Variants in ZKSCAN1 observed in about 807,000 individuals in gnomAD.
The protein encoded by ZKSCAN1 is zinc finger with KRAB and SCAN domains 1.
A neutral mutation model predicts 51.6 loss-of-function variants in ZKSCAN1; 14 were observed. The ratio of observed to expected loss-of-function variants is 0.27; its 90% CI spans 0.18 to 0.42. ZKSCAN1 has a LOEUF of 0.42. ZKSCAN1 is among the 10% of genes least tolerant of loss of function. The pLI is 1.00. For missense variants in ZKSCAN1, 531 were observed against 710.0 expected, an observed-to-expected ratio of 0.75 and a Z score of 2.86; for synonymous variants, 263 against 261.5, an observed-to-expected ratio of 1.01 and a Z score of -0.06.
intron 4 of ZKSCAN1, 25 bp from the exon 5 acceptor site, chr7:100,030,224 G>C (rs1256281493): frequency 3.1e-6 from 5 of 1,608,888 alleles, no homozygotes; most frequent in Non-Finnish European, 4.3e-6. Context: ...GGGGGGAAAT[G>C]ACTGTTTGTC....
chr7:100,034,357 T>C lies in ZKSCAN1; in HGVS notation c.*160T>C. The C allele has an allele frequency of 9.4e-6, 13 of 1,387,276 alleles. No homozygotes were observed. The highest frequency in any genetic ancestry group is 1.0e-5 in the Non-Finnish European group (11 of 1,079,122). The allele number at this position is 1,387,276 out of a possible 1,614,324, so 85.9% of individuals were successfully genotyped here. A position where few individuals can be genotyped will look rare whatever the true frequency, so the allele number is the denominator to read the frequency against. Reference sequence around the variant, plus strand: ...TCACATCAGCAGTGTTCTGCCTTTATGTAGTAGTTGGGCATATAATCCTTC... The same window carrying C: ...TCACATCAGCAGTGTTCTGCCTTTACGTAGTAGTTGGGCATATAATCCTTC... On this transcript the variant is annotated 3_prime_UTR_variant, in exon 6 of 6. Transcript: ENST00000324306.
intron 1 of ZKSCAN1, among the ~76,000 whole-genome samples, chr7:100,020,651 G>A (rs960793260): frequency 1.6e-4 from 25 of 152,194 alleles, no homozygotes; most frequent in Admixed American, 1.0e-3. Flanking sequence ...GCAAGACTCC[G>A]TTTCAATATA....
chr7:100,039,503 C>T lies in ZKSCAN1; in HGVS notation c.*5306C>T. The T allele has an allele frequency of 2.0e-6, 2 of 985,254 alleles. No individual in the cohort carries two copies. The highest frequency in any genetic ancestry group is 1.2e-6 in the Non-Finnish European group (1 of 829,906). 61.0% of individuals were successfully genotyped at this position (985,254 alleles called of 1,614,324 possible). A position where few individuals can be genotyped will look rare whatever the true frequency, so the allele number is the denominator to read the frequency against. On this transcript the variant is annotated 3_prime_UTR_variant, in exon 6 of 6. Coordinates refer to ENST00000324306, the MANE Select transcript of ZKSCAN1 (RefSeq NM_003439.4). ...TGTTCCCTGCTCCCACTTTTCTTCC[C>T]CTGGTTTGTGATTATTAGGAGAGAG...
At position 100,038,021 on chromosome 7, in the gene ZKSCAN1, CA is replaced by C. The variant is rs563075382; in HGVS notation, c.*3834del. On this transcript the variant is annotated 3_prime_UTR_variant, in exon 6 of 6. Coordinates refer to ENST00000324306, the MANE Select transcript of ZKSCAN1 (RefSeq NM_003439.4). ...TGAGTGACAGAGCGAGGCTCTGTAT[CA>C]AAAAAAAAAGTTGCGGGGGGGTGCT... 2.6e-4 allele frequency: 218 copies of C among 844,626 alleles called. No individual in the cohort carries two copies. The highest frequency in any genetic ancestry group is 3.8e-4 in the South Asian group (7 of 18,412). 52.3% of individuals were successfully genotyped at this position (844,626 alleles called of 1,614,324 possible). A position where few individuals can be genotyped will look rare whatever the true frequency, so the allele number is the denominator to read the frequency against.
At position 100,033,505 on chromosome 7, in the gene ZKSCAN1, A is replaced by G. The variant is rs547148423; in HGVS notation, c.1000A>G (p.Ile334Val). 4 of 1,614,046 alleles carry G rather than the reference A, an allele frequency of 2.5e-6. No individual in the cohort carries two copies. In the African/African-American group the frequency reaches 5.3e-5, roughly 22 times the overall value. The change falls in exon 6 of 6, where the codon ATA (isoleucine) becomes GTA (valine). Residue 334 changes from isoleucine (I) to valine (V), a missense_variant. This residue lies in a region of ZKSCAN1 where 403 missense variants were observed against 490.5 expected (regional missense o/e 0.82). Coordinates refer to ENST00000324306, the MANE Select transcript of ZKSCAN1 (RefSeq NM_003439.4). The surrounding 1 kb of genome is among the most constrained non-coding windows in gnomAD (Gnocchi z 4.1). ...AGAGAAAAGAGATTCAGGGCCAGCT[A>G]TAGGAAAGGACAAAAAAACCATCAC... ...RKEKRDSGPA[I>V]GKDKKTITGE...
chr7:100,036,139 A>G lies in ZKSCAN1; in HGVS notation c.*1942A>G. 1.0e-6 allele frequency: 1 copy of G among 985,436 alleles called. No individual in the cohort carries two copies. Among genetic ancestry groups the G allele is most frequent in the African/African-American group, 1.7e-5 (1 of 57,366 alleles). 61.0% of individuals were successfully genotyped at this position (985,436 alleles called of 1,614,324 possible). A position where few individuals can be genotyped will look rare whatever the true frequency, so the allele number is the denominator to read the frequency against. Reference sequence around the variant, plus strand: ...TGGGAGCTAAAACTGCACAGTGGTCATTCTTTGGCCTCTCCTTGGCTTTAT... The same window carrying G: ...TGGGAGCTAAAACTGCACAGTGGTCGTTCTTTGGCCTCTCCTTGGCTTTAT... On this transcript the variant is annotated 3_prime_UTR_variant, in exon 6 of 6. Transcript: ENST00000324306.
At chr7:100,020,983 G>A (rs6963345) in intron 1 of ZKSCAN1, among the ~76,000 whole-genome samples, 47,003 of 151,874 alleles carry the variant, frequency 0.31, 8,743 homozygotes, top group Middle Eastern at 0.48. Context: ...GAAATGCAGG[G>A]TATAGTCTTA....
At chr7:100,018,921 T>C (rs929755107) in intron 1 of ZKSCAN1, among the ~76,000 whole-genome samples, 2 of 151,104 alleles carry the variant, frequency 1.3e-5, no homozygotes, top group African/African-American at 5.0e-5. Context: ...TATTTCCCCC[T>C]GGACTCATTT....
In ZKSCAN1 at chr7:100,041,635, T is replaced by G. The variant is rs915816826; in HGVS notation, c.*7438T>G. 13 of 985,282 alleles carry G rather than the reference T, an allele frequency of 1.3e-5. No homozygotes were observed. The African/African-American group carries it at 2.1e-4, about 16-fold the overall frequency. The allele number at this position is 985,282 out of a possible 1,614,324, so 61.0% of individuals were successfully genotyped here. ...GTGGGGATTTGAAATATTCTCTTTA[T>G]GTTGTTTCTCTTCTGAGTCATGGTA... On this transcript the variant is annotated 3_prime_UTR_variant, in exon 6 of 6. Coordinates refer to ENST00000324306, the MANE Select transcript of ZKSCAN1 (RefSeq NM_003439.4).
In ZKSCAN1 at chr7:100,040,679, C is replaced by CA; in HGVS notation, c.*6483dup. On this transcript the variant is annotated 3_prime_UTR_variant, in exon 6 of 6. Coordinates refer to ENST00000324306, the MANE Select transcript of ZKSCAN1 (RefSeq NM_003439.4). ...AGGGGGAAGAGGACGGTAACGGCCC[C>CA]ACACTCCAGGCTGAGAAAGAGTAAT... The CA allele has an allele frequency of 2.0e-6, 2 of 985,476 alleles. No individual in the cohort carries two copies. The highest frequency in any genetic ancestry group is 2.4e-6 in the Non-Finnish European group (2 of 829,966). 61.0% of individuals were successfully genotyped at this position (985,476 alleles called of 1,614,324 possible).
rs1469928399 is a variant in ZKSCAN1 at position 100,033,552 on chromosome 7, G to C, written c.1047G>C (p.Glu349Asp). ...KTITGERGPR[E>D]KGKGLGRSFS... ...TCACAGGAGAGAGAGGTCCAAGGGA[G>C]AAGGGGAAAGGATTGGGAAGAAGCT... is the stretch of plus-strand genomic sequence containing the variant. Residue 349 changes from glutamate (E) to aspartate (D), a missense_variant, in exon 6 of 6, where the codon GAG becomes GAC. Glu to Asp is a conservative substitution (Grantham distance 45, BLOSUM62 2). Coordinates refer to ENST00000324306, the MANE Select transcript of ZKSCAN1 (RefSeq NM_003439.4). This position sits in a 1 kb window ranked among gnomAD's most constrained non-coding sequence, Gnocchi z 4.1. 6.2e-7 allele frequency: 1 copy of C among 1,614,172 alleles called. No individual in the cohort carries two copies. Among genetic ancestry groups the C allele is most frequent in the South Asian group, 1.1e-5 (1 of 91,084 alleles).
Position 100,033,775 on chromosome 7 carries a change from C to T in ZKSCAN1, c.1270C>T (p.Gln424Ter). Residue 424 changes from glutamine to a stop codon, truncating the protein, a stop_gained, in exon 6 of 6, where the codon CAG (glutamine) becomes TAG (stop). Transcript: ENST00000324306. LOFTEE classifies it high-confidence loss of function. The surrounding 1 kb of genome is among the most constrained non-coding windows in gnomAD (Gnocchi z 4.1). ...TCTTAACTCCAACCTTGTCCTGCAT[C>T]AGAGGATCCACACAGGAGAGAAACC... Reference protein sequence around the residue: ...FSLNSNLVLHQRIHTGEKPHE... With the variant: ...FSLNSNLVLH 1 of 1,614,004 alleles carries T rather than the reference C, an allele frequency of 6.2e-7. No individual in the cohort carries two copies. Among genetic ancestry groups the T allele is most frequent in the East Asian group, 2.2e-5 (1 of 44,866 alleles).
Position 100,040,655 on chromosome 7 carries a change from G to C in ZKSCAN1, c.*6458G>C. 2 of 985,500 alleles carry C rather than the reference G, an allele frequency of 2.0e-6. No individual in the cohort carries two copies. Among genetic ancestry groups the C allele is most frequent in the Non-Finnish European group, 2.4e-6 (2 of 829,970 alleles). 61.0% of individuals were successfully genotyped at this position (985,500 alleles called of 1,614,324 possible). A position where few individuals can be genotyped will look rare whatever the true frequency, so the allele number is the denominator to read the frequency against. On this transcript the variant is annotated 3_prime_UTR_variant, in exon 6 of 6. Coordinates refer to ENST00000324306, the MANE Select transcript of ZKSCAN1 (RefSeq NM_003439.4). Reference sequence around the variant, plus strand: ...GGTTAAGTGCAGTATGGAAGGAGAAGGGGGAAGAGGACGGTAACGGCCCCA... The same window carrying C: ...GGTTAAGTGCAGTATGGAAGGAGAACGGGGAAGAGGACGGTAACGGCCCCA...
chr7:100,028,794 CA>C (rs56779174), intron 3 of ZKSCAN1, among the ~76,000 whole-genome samples: 2,458 of 83,052 alleles, frequency 0.03, 40 homozygotes, highest in African/African-American at 0.11. Flanking sequence ...TACATCTTAT[CA>C]AAAAAAAAAA....
chr7:100,038,213 A>T lies in ZKSCAN1; in HGVS notation c.*4016A>T. ...TGTTTTGTACCTTCAGTCCCTTGTT[A>T]TTGTTCCGTATATTACCTGTAAGCA... is the stretch of plus-strand genomic sequence containing the variant. On this transcript the variant is annotated 3_prime_UTR_variant, in exon 6 of 6. Transcript: ENST00000324306. The T allele has an allele frequency of 1.0e-6, 1 of 985,354 alleles. No homozygotes were observed. Among genetic ancestry groups the T allele is most frequent in the Non-Finnish European group, 1.2e-6 (1 of 829,914 alleles). 61.0% of individuals were successfully genotyped at this position (985,354 alleles called of 1,614,324 possible). A position where few individuals can be genotyped will look rare whatever the true frequency, so the allele number is the denominator to read the frequency against.
chr7:100,039,771 ACTT>A lies in ZKSCAN1; in HGVS notation c.*5577_*5579del, dbSNP rs1471315193. 2.0e-6 allele frequency: 2 copies of A among 985,314 alleles called. No homozygotes were observed. Among genetic ancestry groups the A allele is most frequent in the Admixed American group, 6.1e-5 (1 of 16,270 alleles). 61.0% of individuals were successfully genotyped at this position (985,314 alleles called of 1,614,324 possible). ...ATTTCTCTGTGTCCTACTCTGAGCAACTTCTCAGAGATACGAGGGGGCTAGGGT... is the reference window on the plus strand; with the variant it reads ...ATTTCTCTGTGTCCTACTCTGAGCAACTCAGAGATACGAGGGGGCTAGGGT... On this transcript the variant is annotated 3_prime_UTR_variant, in exon 6 of 6. Transcript: ENST00000324306.
downstream of ZKSCAN1, among the ~76,000 whole-genome samples, chr7:100,043,132 C>A (rs1039108904): frequency 2.6e-5 from 4 of 150,990 alleles, no homozygotes; most frequent in African/African-American, 9.8e-5. Flanking sequence ...GACAGTCTGG[C>A]TATTTCCCAA....
intron 3 of ZKSCAN1, among the ~76,000 whole-genome samples, chr7:100,029,220 TC>T (rs1790990202): frequency 6.6e-6 from 1 of 151,260 alleles, no homozygotes; most frequent in Non-Finnish European, 1.5e-5. Flanking sequence ...CCTCCTTACT[TC>T]CCTGCCTTTC....
At chr7:100,017,819 G>A (rs1445151151) in intron 1 of ZKSCAN1, among the ~76,000 whole-genome samples, 1 of 152,182 alleles carries the variant, frequency 6.6e-6, no homozygotes, top group Non-Finnish European at 1.5e-5. Context: ...CTCTCTCAGG[G>A]ATGTGCCACT....
Sources: gnomAD v4.1 joint callset for allele counts (sites outside exome capture counted in the v4.1 genomes callset) on GRCh38, gnomAD v4.1.1 for gene constraint, gnomAD v4.1.1 regional missense constraint, Gnocchi (gnomAD v3.1) non-coding constraint, MANE v1.5 for transcripts, NCBI Gene and HGNC (gene_info 2026-07-23, HGNC 2026-07-21) for gene names.